The following ATXN2 variants were observed in gnomAD, a reference collection of about 807,000 sequenced individuals.
ATXN2 encodes the protein ataxin 2.
Under a neutral mutation model 138.6 loss-of-function variants are expected in ATXN2, and 37 were observed. The observed-to-expected ratio is 0.27, with a 90% CI of 0.21 to 0.35. The LOEUF is 0.35. Among genes scored for constraint, ATXN2 ranks in the 10% least tolerant of loss-of-function variants. ATXN2 has a pLI of 1.00. For missense variants in ATXN2, 1,216 were observed against 1,480.3 expected (o/e 0.82, Z 2.93); for synonymous variants, 549 against 543.7 (o/e 1.01, Z -0.13).
Position 111,452,775 on chromosome 12 carries a change from G to A in ATXN2, c.*37C>T. On this transcript the variant is annotated 3_prime_UTR_variant, in exon 25 of 25. Transcript: ENST00000673436. The stretch of plus-strand genomic sequence containing the variant: ...CAGTTGGTAGAAGCAGTAGAAGGGA[G>A]GAGGGAATTTGGCCTTTCGGTTCCT... 1 of 1,589,686 alleles carries A rather than the reference G, an allele frequency of 6.3e-7. No individual in the cohort carries two copies. The highest frequency in any genetic ancestry group is 1.1e-5 in the South Asian group (1 of 90,560).
intron 18 of ATXN2, among the ~76,000 whole-genome samples, chr12:111,480,326 A>G (rs570503387): frequency 3.3e-5 from 5 of 152,370 alleles, no homozygotes; most frequent in Non-Finnish European, 7.3e-5. Flanking sequence ...TTGGATTCAC[A>G]TTTTATACTT....
chr12:111,503,316 T>C (rs6490162), intron 14 of ATXN2, among the ~76,000 whole-genome samples: 47,557 of 152,050 alleles, frequency 0.31, 9,522 homozygotes, highest in African/African-American at 0.57. Context: ...CACCAGATGG[T>C]CAGCCCTCTT....
upstream of ATXN2, chr12:111,599,330 G>GGGCCGGGGCCGGGC (rs1885143603): frequency 8.6e-7 from 1 of 1,169,034 alleles, no homozygotes; most frequent in African/African-American, 1.6e-5. Flanking sequence ...GGAGGGAGGG[G>GGGCCGGGGCCGGGC]GGCCGGGGCC....
chr12:111,529,510 A>G (rs781099161), intron 5 of ATXN2, among the ~76,000 whole-genome samples: 9 of 152,126 alleles, frequency 5.9e-5, no homozygotes, highest in Non-Finnish European at 1.2e-4. Flanking sequence ...AAATTGTATC[A>G]CCTCCAGCCC....
intron 13 of ATXN2, 65 bp downstream of exon 13, chr12:111,509,826 G>A: frequency 8.1e-7 from 1 of 1,228,772 alleles, no homozygotes; most frequent in Non-Finnish European, 1.2e-6. Flanking sequence ...TTCTGTATGG[G>A]CATGAAATTA....
At chr12:111,595,779 G>T (rs913248905) in intron 1 of ATXN2, among the ~76,000 whole-genome samples, 3 of 152,064 alleles carry the variant, frequency 2.0e-5, no homozygotes, top group Non-Finnish European at 4.4e-5. Flanking sequence ...CTGATGGTTG[G>T]GGGCAGTGGC....
At chr12:111,507,452 G>C (rs1039466131) in intron 14 of ATXN2, among the ~76,000 whole-genome samples, 3 of 151,910 alleles carry the variant, frequency 2.0e-5, no homozygotes, top group Admixed American at 6.6e-5. Flanking sequence ...GGGAAGTGAG[G>C]AGCATCTCCA....
rs1425206074 is a variant in ATXN2 at position 111,552,849 on chromosome 12, A to C, written c.420+57T>G. On this transcript the variant is annotated intron_variant, in intron 4 of 24. Transcript: ENST00000673436. The surrounding 1 kb of genome is among the most constrained non-coding windows in gnomAD (Gnocchi z 4.1). ...AGTGGCTTTAAAAACTAGGTAAAAC[A>C]CTGACTATGAAAATGTTCTTTTACT... The C allele has an allele frequency of 8.3e-7, 1 of 1,205,686 alleles. No homozygotes were observed. Among genetic ancestry groups the C allele is most frequent in the African/African-American group, 1.6e-5 (1 of 63,192 alleles). The allele number at this position is 1,205,686 out of a possible 1,614,324, so 74.7% of individuals were successfully genotyped here.
intron 14 of ATXN2, among the ~76,000 whole-genome samples, chr12:111,503,977 T>C (rs947841917): frequency 6.6e-6 from 1 of 152,182 alleles, no homozygotes; most frequent in Non-Finnish European, 1.5e-5. Context: ...AATAATACAT[T>C]TGGTTATTCA....
Position 111,454,800 on chromosome 12 carries a change from T to C in ATXN2, c.3271-955A>G. On this transcript the variant is annotated intron_variant, in intron 23 of 24. Coordinates refer to ENST00000673436, the MANE Select transcript of ATXN2 (RefSeq NM_001372574.1). Reference sequence around the variant, plus strand: ...CTTTCAGCACAAAAACAGAGTGAGGTTTTAGGGATCCCTGACTTACATGTA... The same window carrying C: ...CTTTCAGCACAAAAACAGAGTGAGGCTTTAGGGATCCCTGACTTACATGTA... 6.2e-6 allele frequency: 3 copies of C among 487,548 alleles called. No individual in the cohort carries two copies. In the South Asian group the frequency reaches 7.3e-5, roughly 12 times the overall value. The allele number at this position is 487,548 out of a possible 1,614,324, so 30.2% of individuals were successfully genotyped here. A position where few individuals can be genotyped will look rare whatever the true frequency, so the allele number is the denominator to read the frequency against.
intron 1 of ATXN2, among the ~76,000 whole-genome samples, chr12:111,569,171 G>A (rs182439106): frequency 1.1e-4 from 16 of 152,050 alleles, no homozygotes; most frequent in East Asian, 9.7e-4. Flanking sequence ...TTCAAATTCC[G>A]GCTCCATCAC....
chr12:111,552,193 T>C lies in ATXN2; in HGVS notation c.571+87A>G. 1.4e-6 allele frequency: 2 copies of C among 1,405,474 alleles called. No homozygotes were observed. Among genetic ancestry groups the C allele is most frequent in the East Asian group, 5.0e-5 (2 of 40,306 alleles). The allele number at this position is 1,405,474 out of a possible 1,614,324, so 87.1% of individuals were successfully genotyped here. A position where few individuals can be genotyped will look rare whatever the true frequency, so the allele number is the denominator to read the frequency against. On this transcript the variant is annotated intron_variant, in intron 5 of 24. Transcript: ENST00000673436. This position sits in a 1 kb window ranked among gnomAD's most constrained non-coding sequence, Gnocchi z 4.1. ...GCCATACCCAGCCCAGATATTTCTT[T>C]AAAAAAAGTTTGTAAGATCACTGTG...
chr12:111,471,011 T>C (rs1358368608), intron 18 of ATXN2: 1 of 438,704 alleles, frequency 2.3e-6, no homozygotes, highest in Non-Finnish European at 4.2e-6. Context: ...AGAGGGACTT[T>C]CTCTCATGGC....
chr12:111,563,852 G>C (rs1236152162), intron 1 of ATXN2, among the ~76,000 whole-genome samples: 1 of 152,112 alleles, frequency 6.6e-6, no homozygotes, highest in Non-Finnish European at 1.5e-5. Context: ...TTTTCAGGAA[G>C]TCTTCCTTCG....
In ATXN2 at chr12:111,488,532, G is replaced by T. The variant is rs1877793634; in HGVS notation, c.2184C>A (p.Ser728=). The change falls in exon 15 of 25, where the codon TCC becomes TCA. Residue 728 remains serine, a synonymous_variant. Coordinates refer to ENST00000673436, the MANE Select transcript of ATXN2 (RefSeq NM_001372574.1). ...CTTTCTCTTGTTTACATGCTGGGCT[G>T]GAAGTCTGAACCCCTTGGGAAGTGA... ...PEVTSQGVQT[S]SPACKQEKDD... is the part of the protein sequence containing the mutation. 2 of 1,614,000 alleles carry T rather than the reference G, an allele frequency of 1.2e-6. No homozygotes were observed. Among genetic ancestry groups the T allele is most frequent in the Admixed American group, 1.7e-5 (1 of 59,986 alleles).
rs773587355 is a variant in ATXN2, at chr12:111,485,719, G to A, written c.2451C>T (p.Gly817=). ...NMMYPVPVSP[G]VQPLYPIPMT... ...ATCAAATTCTATGACTTACTTGCAC[G>A]CCTGGGCTCACTGGGACTGGATACA... Residue 817 remains glycine, a synonymous_variant, in exon 17 of 25, where the codon GGC becomes GGT. Transcript: ENST00000673436. 6 of 1,613,812 alleles carry A rather than the reference G, an allele frequency of 3.7e-6. No homozygotes were observed. Among genetic ancestry groups the A allele is most frequent in the African/African-American group, 2.7e-5 (2 of 74,896 alleles).
intron 15 of ATXN2, 123 bp from the exon 16 acceptor site, chr12:111,486,947 A>C: frequency 1.3e-6 from 1 of 756,474 alleles, no homozygotes; most frequent in South Asian, 1.8e-5. Flanking sequence ...CTAGAAGATC[A>C]CTAATCGTTT....
Position 111,473,929 on chromosome 12 carries a change from A to C in ATXN2, c.2525-3187T>G, listed in dbSNP as rs184129024. ...GACAAGCTGGATATGAACAAGACAAAAACTAAGGGAAAAACTGTAATTAAA... is the reference window on the plus strand; with the variant it reads ...GACAAGCTGGATATGAACAAGACAACAACTAAGGGAAAAACTGTAATTAAA... On this transcript the variant is annotated intron_variant, in intron 18 of 24. Coordinates refer to ENST00000673436, the MANE Select transcript of ATXN2 (RefSeq NM_001372574.1). Among the ~76,000 whole-genome samples the C allele has an allele frequency of 7.9e-5, 12 of 152,342 alleles. No homozygotes were observed. The East Asian group carries it at 1.2e-3, about 15-fold the overall frequency.
At chr12:111,562,372 T>C (rs1393978906) in intron 1 of ATXN2, among the ~76,000 whole-genome samples, 4 of 151,988 alleles carry the variant, frequency 2.6e-5, no homozygotes, top group African/African-American at 7.2e-5. Context: ...CAGTGAACTA[T>C]CATCATGCCA....
Sources: gnomAD v4.1 joint callset for allele counts (sites outside exome capture counted in the v4.1 genomes callset) on GRCh38, gnomAD v4.1.1 for gene constraint, Gnocchi (gnomAD v3.1) non-coding constraint, MANE v1.5 for transcripts, NCBI Gene and HGNC (gene_info 2026-07-23, HGNC 2026-07-21) for gene names.